Variants in PC observed in about 807,000 individuals in gnomAD.
The protein encoded by PC is pyruvate carboxylase.
Under a neutral mutation model 107.8 loss-of-function variants are expected in PC, and 46 were observed. The ratio of observed to expected loss-of-function variants is 0.43; its 90% CI spans 0.34 to 0.55. The LOEUF is 0.55. Among genes scored for constraint, PC ranks in the 20% least tolerant of loss-of-function variants. The probability of loss-of-function intolerance (pLI) is 0.04; values close to 1 mark genes in which losing one functional copy is unlikely to be tolerated. For missense variants in PC, 1,241 were observed against 1,643.1 expected (o/e 0.76, Z 4.23); for synonymous variants, 662 against 684.7 (o/e 0.97, Z 0.52).
Position 66,866,372 on chromosome 11 carries a change from G to A in PC, c.1023-23C>T. 1 of 1,586,806 alleles carries A rather than the reference G, an allele frequency of 6.3e-7. No homozygotes were observed. Among genetic ancestry groups the A allele is most frequent in the South Asian group, 1.1e-5 (1 of 90,118 alleles). On this transcript the variant is annotated intron_variant, in intron 10 of 22. Transcript: ENST00000393960. The surrounding 1 kb of genome is among the most constrained non-coding windows in gnomAD (Gnocchi z 5.4). ...ACGCTGTAGGGCATTGGGGGGAGGG[G>A]GGAAAGGACGGGAGAAAGGGGGAAA...
intron 12 of PC, 73 bp downstream of exon 12, chr11:66,863,701 G>A (rs903706575): frequency 3.4e-6 from 5 of 1,483,444 alleles, no homozygotes; most frequent in Non-Finnish European, 4.6e-6. Flanking sequence ...CAAGGCCCTT[G>A]GTGGGGAAGT....
Position 66,866,451 on chromosome 11 carries a change from A to G in PC, c.1023-102T>C. 1 of 842,468 alleles carries G rather than the reference A, an allele frequency of 1.2e-6. No individual in the cohort carries two copies. 52.2% of individuals were successfully genotyped at this position (842,468 alleles called of 1,614,324 possible). ...CGCAGCCAGTGGGGCGTCCACACACAGTGCGACTCCTGCCCATAGGCTCTG... is the reference window on the plus strand; with the variant it reads ...CGCAGCCAGTGGGGCGTCCACACACGGTGCGACTCCTGCCCATAGGCTCTG... On this transcript the variant is annotated intron_variant, in intron 10 of 22. Coordinates refer to ENST00000393960, the MANE Select transcript of PC (RefSeq NM_001040716.2). The surrounding 1 kb of genome is among the most constrained non-coding windows in gnomAD (Gnocchi z 5.4).
At chr11:66,877,215 G>A (rs1201163293) in intron 3 of PC, among the ~76,000 whole-genome samples, 4 of 152,074 alleles carry the variant, frequency 2.6e-5, no homozygotes, top group Admixed American at 6.5e-5. Flanking sequence ...GTGAATCCCC[G>A]TCTCTACTAA....
In PC at chr11:66,871,645, C is replaced by A; in HGVS notation, c.321+42G>T. 1.3e-6 allele frequency: 2 copies of A among 1,561,850 alleles called. No homozygotes were observed. The highest frequency in any genetic ancestry group is 2.4e-5 in the East Asian group (1 of 41,538). On this transcript the variant is annotated intron_variant, in intron 5 of 22. Transcript: ENST00000393960. This position sits in a 1 kb window ranked among gnomAD's most constrained non-coding sequence, Gnocchi z 7.4. ...AGACCCCCGCGGCAACTAAGACTCC[C>A]TGGTCCCTGCTGTCCAGGCCCAGCC...
intron 10 of PC, among the ~76,000 whole-genome samples, chr11:66,867,010 G>T (rs1946528172): frequency 6.6e-6 from 1 of 152,106 alleles, no homozygotes; most frequent in Admixed American, 6.5e-5. Flanking sequence ...ACCTCTGCAG[G>T]GTTTTCCAAG....
intron 3 of PC, among the ~76,000 whole-genome samples, chr11:66,883,972 A>G (rs1255797463): frequency 6.6e-6 from 1 of 152,156 alleles, no homozygotes; most frequent in African/African-American, 2.4e-5. Context: ...GTGGCCTGGC[A>G]CGTGGCTCAC....
chr11:66,872,544 C>T (rs995550106), intron 3 of PC, among the ~76,000 whole-genome samples: 1 of 151,108 alleles, frequency 6.6e-6, no homozygotes, highest in African/African-American at 2.4e-5. Context: ...CTGGCTAACA[C>T]GGTGAAACCC....
chr11:66,957,973 A>C (rs1205875470), intron 1 of PC: 1 of 151,560 alleles, frequency 6.6e-6, no homozygotes. Context: ...ACCTCGCGCG[A>C]GGCGCTTTAG....
At chr11:66,877,392 A>G (rs1272015422) in intron 3 of PC, among the ~76,000 whole-genome samples, 2 of 152,216 alleles carry the variant, frequency 1.3e-5, no homozygotes, top group African/African-American at 4.8e-5. Flanking sequence ...TCTCAAAAAC[A>G]AAACAAAACA....
At chr11:66,921,531 G>A (rs917793581) in intron 3 of PC, among the ~76,000 whole-genome samples, 1 of 152,118 alleles carries the variant, frequency 6.6e-6, no homozygotes, top group African/African-American at 2.4e-5. Context: ...GCCATTCAGG[G>A]AAATAAAAGC....
chr11:66,853,406 AG>A, intron 12 of PC, 23 bp from the exon 13 acceptor site: 10 of 1,504,748 alleles, frequency 6.6e-6, no homozygotes, highest in Non-Finnish European at 9.1e-6. Flanking sequence ...GGCGGGTGGG[AG>A]GGGGTCACCA....
At chr11:66,877,044 G>A (rs980878989) in intron 3 of PC, among the ~76,000 whole-genome samples, 1 of 152,200 alleles carries the variant, frequency 6.6e-6, no homozygotes, top group Non-Finnish European at 1.5e-5. Context: ...GAGCATCACG[G>A]CAGCTTCTCC....
intron 3 of PC, chr11:66,934,522 A>C (rs376181024): frequency 6.5e-6 from 1 of 154,274 alleles, no homozygotes; most frequent in East Asian, 1.9e-4. Context: ...GGCTTGAAGA[A>C]GCTAAGGAAC....
intron 3 of PC, among the ~76,000 whole-genome samples, chr11:66,926,751 A>C (rs1948724787): frequency 1.4e-5 from 2 of 144,200 alleles, no homozygotes; most frequent in African/African-American, 5.2e-5. Flanking sequence ...GGCAACCAGT[A>C]ATCTGCTTTC....
At chr11:66,872,223 G>T (rs1946767333) in intron 3 of PC, 64 bp from the exon 4 acceptor site, 3 of 1,538,118 alleles carry the variant, frequency 2.0e-6, no homozygotes, top group Admixed American at 2.0e-5. Flanking sequence ...CAGAATGAGT[G>T]AGGGCCCTTC....
intron 3 of PC, among the ~76,000 whole-genome samples, chr11:66,883,387 G>T (rs1456827215): frequency 2.0e-5 from 3 of 152,200 alleles, no homozygotes; most frequent in Admixed American, 6.5e-5. Flanking sequence ...AGCACGGGGT[G>T]TGGGCAGGGC....
Position 66,849,218 on chromosome 11 carries a change from G to A in PC, c.3288+12C>T. ...AGCCCCACCGCCTGGCTGGCCCTGG[G>A]GGAGACAATACCTTCATGGCCTGGG... On this transcript the variant is annotated intron_variant, in intron 22 of 22. Transcript: ENST00000393960. 6.2e-7 allele frequency: 1 copy of A among 1,613,812 alleles called. No individual in the cohort carries two copies. The highest frequency in any genetic ancestry group is 8.5e-7 in the Non-Finnish European group (1 of 1,180,036).
chr11:66,902,069 G>A (rs926880224), intron 3 of PC, among the ~76,000 whole-genome samples: 2 of 152,188 alleles, frequency 1.3e-5, no homozygotes, highest in African/African-American at 2.4e-5. Context: ...GAGCCAAGGC[G>A]ATAGTAAAGA....
intron 3 of PC, among the ~76,000 whole-genome samples, chr11:66,902,659 C>T (rs956184065): frequency 1.4e-4 from 21 of 152,156 alleles, no homozygotes; most frequent in African/African-American, 4.8e-4. Context: ...CAGCCACTCT[C>T]CTCCACCATC....
Sources: gnomAD v4.1 joint callset for allele counts (sites outside exome capture counted in the v4.1 genomes callset) on GRCh38, gnomAD v4.1.1 for gene constraint, Gnocchi (gnomAD v3.1) non-coding constraint, MANE v1.5 for transcripts, NCBI Gene and HGNC (gene_info 2026-07-23, HGNC 2026-07-21) for gene names.